Variants in CORO2B observed in about 807,000 individuals in gnomAD.
CORO2B encodes coronin-2B.
In CORO2B, 26 loss-of-function variants were observed where a neutral mutation model predicts 58.8. That is an observed-to-expected ratio of 0.44 (90% CI 0.32 to 0.61). CORO2B has a LOEUF of 0.61. Ranked by LOEUF, CORO2B falls within the 20% of genes least tolerant of loss-of-function variation. The probability of loss-of-function intolerance (pLI) is 0.04; values close to 1 mark genes in which losing one functional copy is unlikely to be tolerated. For synonymous variants in CORO2B, 242 were observed against 253.8 expected (o/e 0.95, Z 0.44); for missense variants, 460 against 645.1 (o/e 0.71, Z 3.11).
intron 3 of CORO2B, among the ~76,000 whole-genome samples, chr15:68,708,914 C>T (rs562248545): frequency 6.6e-6 from 1 of 152,308 alleles, no homozygotes; most frequent in African/African-American, 2.4e-5. Flanking sequence ...CTCCTGGGCT[C>T]ACGTGATCCT....
At chr15:68,616,522 C>T in intron 1 of CORO2B, 6 of 985,330 alleles carry the variant, frequency 6.1e-6, no homozygotes, top group Non-Finnish European at 7.2e-6. Flanking sequence ...TAAAAGCAGG[C>T]AGCTGCCCTG....
At chr15:68,702,821 CT>C (rs113249272) in intron 3 of CORO2B, among the ~76,000 whole-genome samples, 2,160 of 96,268 alleles carry the variant, frequency 0.022, 15 homozygotes, top group African/African-American at 0.06. Flanking sequence ...TTTTCTTTTT[CT>C]TTTTTTTTTT....
rs377512463 is a variant in CORO2B at position 68,725,960 on chromosome 15, C to A, written c.1429C>A (p.Pro477Thr). 1 of 1,613,802 alleles carries A rather than the reference C, an allele frequency of 6.2e-7. No individual in the cohort carries two copies. The highest frequency in any genetic ancestry group is 2.2e-5 in the East Asian group (1 of 44,878). The change falls in exon 12 of 12, where the codon CCC (proline) becomes ACC (threonine). Residue 477 changes from proline (P) to threonine (T), a missense_variant. Coordinates refer to ENST00000261861, the MANE Select transcript of CORO2B (RefSeq NM_006091.5). ...GGAACTGAAAAACTTGCGCAACAGC[C>A]CCAAGAACTGTTAGCTCCCCAGCTG... Reference protein sequence around the residue: ...QLELKNLRNSPKNC With the variant: ...QLELKNLRNSTKNC
chr15:68,596,965 C>G (rs1899846663), intron 1 of CORO2B, among the ~76,000 whole-genome samples: 1 of 152,230 alleles, frequency 6.6e-6, no homozygotes, highest in Non-Finnish European at 1.5e-5. Context: ...CAAACTGGGT[C>G]TTGTCCTCCT....
chr15:68,675,833 T>C (rs569923657), intron 2 of CORO2B, among the ~76,000 whole-genome samples: 18 of 152,272 alleles, frequency 1.2e-4, no homozygotes, highest in African/African-American at 3.9e-4. Context: ...TACCCGGCAC[T>C]GTGGGAAGCA....
At chr15:68,594,810 C>T (rs80079099) in intron 1 of CORO2B, among the ~76,000 whole-genome samples, 1,671 of 152,270 alleles carry the variant, frequency 0.011, 33 homozygotes, top group African/African-American at 0.037. Context: ...CAACCTCTTG[C>T]CTCCAGTCCC....
intron 3 of CORO2B, among the ~76,000 whole-genome samples, chr15:68,703,150 CTTTTTTT>C (rs57404468): frequency 1.0e-5 from 1 of 100,148 alleles, no homozygotes; most frequent in Admixed American, 1.1e-4. Context: ...TTCTTTTTTT[CTTTTTTT>C]TTTTTTTTTT....
intron 1 of CORO2B, among the ~76,000 whole-genome samples, chr15:68,625,797 G>T (rs1900661760): frequency 6.6e-6 from 1 of 152,036 alleles, no homozygotes; most frequent in African/African-American, 2.4e-5. Flanking sequence ...TAGAGACGGG[G>T]TTTCACCATG....
At chr15:68,676,697 A>G (rs1438662632) in intron 2 of CORO2B, among the ~76,000 whole-genome samples, 1 of 152,144 alleles carries the variant, frequency 6.6e-6, no homozygotes, top group Non-Finnish European at 1.5e-5. Flanking sequence ...AGTGTTTAAA[A>G]TGCTTGTTCC....
At chr15:68,624,298 G>T (rs1230907718) in intron 1 of CORO2B, among the ~76,000 whole-genome samples, 1 of 152,162 alleles carries the variant, frequency 6.6e-6, no homozygotes, top group African/African-American at 2.4e-5. Context: ...AGGATCCCTT[G>T]TGCCCAGGGA....
In CORO2B at chr15:68,659,935, C is replaced by T. The variant is rs118175895; in HGVS notation, c.216+14575C>T. 4.8e-3 allele frequency among the ~76,000 whole-genome samples: 726 copies of T among 152,196 alleles called. 9 individuals are homozygous for T. The highest frequency in any genetic ancestry group is 5.6e-3 in the Non-Finnish European group (383 of 68,008). ...GTTTCAAAAAACAAAAAAAGTCTAT[C>T]CTCATCTTCATGCTGAGTAGGCTGA... is the stretch of plus-strand genomic sequence containing the variant. On this transcript the variant is annotated intron_variant, in intron 2 of 11. Coordinates refer to ENST00000261861, the MANE Select transcript of CORO2B (RefSeq NM_006091.5).
intron 11 of CORO2B, among the ~76,000 whole-genome samples, chr15:68,725,478 A>G (rs1437528814): frequency 6.6e-6 from 1 of 152,102 alleles, no homozygotes; most frequent in Non-Finnish European, 1.5e-5. Context: ...GTATTATTAT[A>G]GATGTAATAA....
At chr15:68,624,228 GGCACAAGACTT>G (rs1197244259) in intron 1 of CORO2B, among the ~76,000 whole-genome samples, 1 of 152,130 alleles carries the variant, frequency 6.6e-6, no homozygotes, top group Non-Finnish European at 1.5e-5. Flanking sequence ...AATCAGCCAT[GGCACAAGACTT>G]GCAGTGGTGT....
chr15:68,543,599 A>G, the CORO2B span, among the ~76,000 whole-genome samples: 2 of 152,080 alleles, frequency 1.3e-5, no homozygotes, highest in African/African-American at 4.8e-5. Flanking sequence ...CAGCAAGGCC[A>G]ATTTCCCAGG....
intron 1 of CORO2B, among the ~76,000 whole-genome samples, chr15:68,590,694 A>G (rs1291272069): frequency 6.6e-6 from 1 of 152,170 alleles, no homozygotes; most frequent in Admixed American, 6.5e-5. Flanking sequence ...CTGAGGGGGT[A>G]ATAATGCCCT....
chr15:68,686,880 C>T (rs1388425297), intron 2 of CORO2B, among the ~76,000 whole-genome samples: 1 of 147,508 alleles, frequency 6.8e-6, no homozygotes, highest in Admixed American at 6.8e-5. Flanking sequence ...GCCTGCGCAA[C>T]AAGAGCGAAA....
intron 2 of CORO2B, among the ~76,000 whole-genome samples, chr15:68,683,599 T>C (rs1303361903): frequency 6.6e-6 from 1 of 152,280 alleles, no homozygotes; most frequent in East Asian, 1.9e-4. Flanking sequence ...TGAGACATCA[T>C]GGTGGGACTG....
the CORO2B span, among the ~76,000 whole-genome samples, chr15:68,561,639 C>T: frequency 5.3e-5 from 8 of 152,138 alleles, no homozygotes; most frequent in South Asian, 2.1e-4. Flanking sequence ...CAGAGAAACA[C>T]GCACACACCC....
intron 2 of CORO2B, among the ~76,000 whole-genome samples, chr15:68,658,647 A>G (rs534668973): frequency 5.2e-4 from 79 of 152,360 alleles, no homozygotes; most frequent in African/African-American, 1.8e-3. Context: ...TGGGCAAGTT[A>G]CTTAACCTCC....
Sources: gnomAD v4.1 joint callset for allele counts (sites outside exome capture counted in the v4.1 genomes callset) on GRCh38, gnomAD v4.1.1 for gene constraint, MANE v1.5 for transcripts, NCBI Gene and HGNC (gene_info 2026-07-23, HGNC 2026-07-21) for gene names.